The following AP3B1 variants were observed in gnomAD, a reference collection of about 807,000 sequenced individuals.
AP3B1 encodes AP-3 complex subunit beta-1.
In AP3B1, 61 loss-of-function variants were observed where a neutral mutation model predicts 132.5. The ratio of observed to expected loss-of-function variants is 0.46; its 90% CI spans 0.37 to 0.57. The LOEUF is 0.57. Among genes scored for constraint, AP3B1 ranks in the 20% least tolerant of loss-of-function variants. The pLI is 0.00. For missense variants in AP3B1, 1,120 were observed against 1,289.4 expected (o/e 0.87, Z 2.01); for synonymous variants, 388 against 438.3 (o/e 0.89, Z 1.43).
At chr5:78,120,037 C>A (rs536481089) in intron 17 of AP3B1, among the ~76,000 whole-genome samples, 85 of 152,202 alleles carry the variant, frequency 5.6e-4, no homozygotes, top group African/African-American at 2.0e-3. Flanking sequence ...GCCAATATTC[C>A]ACATGCTTAA....
intron 13 of AP3B1, 26 bp from the exon 14 acceptor site, chr5:78,156,393 CTAAA>C: frequency 7.0e-7 from 1 of 1,433,280 alleles, no homozygotes. Flanking sequence ...ATTATTCATA[CTAAA>C]TATGTATAAT....
chr5:78,256,796 C>T (rs1006484874), intron 2 of AP3B1, among the ~76,000 whole-genome samples: 3 of 152,064 alleles, frequency 2.0e-5, no homozygotes, highest in Admixed American at 2.0e-4. Context: ...CTGAGTTCAA[C>T]AATACATCAG....
chr5:78,282,632 T>C (rs1026367060), intron 1 of AP3B1, among the ~76,000 whole-genome samples: 1 of 152,068 alleles, frequency 6.6e-6, no homozygotes. Flanking sequence ...TGATGAAAAT[T>C]TGAAAATTAA....
In AP3B1 at chr5:78,193,770, A is replaced by ATTTTTTTT. The variant is rs35190275; in HGVS notation, c.787-12116_787-12109dup. Among the ~76,000 whole-genome samples, 230 of 67,178 alleles carry ATTTTTTTT rather than the reference A, an allele frequency of 3.4e-3. 6 individuals carry two copies. Among genetic ancestry groups the ATTTTTTTT allele is most frequent in the African/African-American group, 0.011 (210 of 19,200 alleles). The allele number at this position is 67,178 out of a possible 152,430, so 44.1% of individuals were successfully genotyped here. A position where few individuals can be genotyped will look rare whatever the true frequency, so the allele number is the denominator to read the frequency against. On this transcript the variant is annotated intron_variant, in intron 7 of 26. Transcript: ENST00000255194. ...TATATATATATATATATATATATATATTTTTTTTTTAGACAGAGTCTCGCT... is the reference window on the plus strand; with the variant it reads ...TATATATATATATATATATATATATATTTTTTTTTTTTTTTTTTAGACAGAGTCTCGCT...
chr5:78,045,199 G>T (rs60320330), intron 22 of AP3B1, among the ~76,000 whole-genome samples: 1 of 151,994 alleles, frequency 6.6e-6, no homozygotes, highest in African/African-American at 2.4e-5. Context: ...TGGCCAACAT[G>T]GTGAAACCCC....
chr5:78,156,349 C>A lies in AP3B1; in HGVS notation c.1382G>T (p.Ser461Ile). ...SNRDEIVVAE[S>I]VVVIKKLLQM... ...CAGTAATTTCTTTATAACAACCACA[C>A]TTTCAGCAACAACTATTTCTGAAAA... is the stretch of plus-strand genomic sequence containing the variant. Residue 461 changes from serine to isoleucine, a missense_variant, in exon 14 of 27, where the codon AGT (serine) becomes ATT (isoleucine). Physicochemically the swap from Ser to Ile is moderately radical, Grantham distance 142. Coordinates refer to ENST00000255194, the MANE Select transcript of AP3B1 (RefSeq NM_003664.5). 1 of 1,611,764 alleles carries A rather than the reference C, an allele frequency of 6.2e-7. No homozygotes were observed.
intron 22 of AP3B1, among the ~76,000 whole-genome samples, chr5:78,078,528 T>C (rs1331187303): frequency 6.6e-6 from 1 of 152,190 alleles, no homozygotes. Context: ...AAACATAATA[T>C]ACATTTTATC....
At chr5:78,201,522 C>T (rs1238353945) in intron 7 of AP3B1, among the ~76,000 whole-genome samples, 2 of 152,132 alleles carry the variant, frequency 1.3e-5, no homozygotes, top group Admixed American at 6.5e-5. Flanking sequence ...CAATGTGGAT[C>T]AATCTCCAAA....
At position 78,002,978 on chromosome 5, in the gene AP3B1, A is replaced by C; in HGVS notation, c.3209T>G (p.Leu1070Arg). 5 of 1,614,212 alleles carry C rather than the reference A, an allele frequency of 3.1e-6. No homozygotes were observed. Among genetic ancestry groups the C allele is most frequent in the Non-Finnish European group, 4.2e-6 (5 of 1,180,036 alleles). ...VELKEGSTAQ[L>R]IINTEKTVIG... ...CACAGTTTTCTCAGTGTTTATGATAAGCTGGGCTGTAGAGCCTTCCTTCAG... is the reference window on the plus strand; with the variant it reads ...CACAGTTTTCTCAGTGTTTATGATACGCTGGGCTGTAGAGCCTTCCTTCAG... The change falls in exon 27 of 27, where the codon CTT (leucine) becomes CGT (arginine). Residue 1070 changes from leucine (L) to arginine (R), a missense_variant. Coordinates refer to ENST00000255194, the MANE Select transcript of AP3B1 (RefSeq NM_003664.5).
At chr5:78,030,415 G>A (rs569334161) in intron 24 of AP3B1, among the ~76,000 whole-genome samples, 70 of 152,228 alleles carry the variant, frequency 4.6e-4, no homozygotes, top group African/African-American at 1.7e-3. Context: ...TGACTATTTG[G>A]TATCTTCAAA....
intron 20 of AP3B1, 108 bp downstream of exon 20, chr5:78,110,099 G>T: frequency 9.8e-7 from 1 of 1,018,622 alleles, no homozygotes. Context: ...TAAGGGAAAG[G>T]CTTATCTAGA....
chr5:78,224,769 T>C (rs914843995), intron 6 of AP3B1, among the ~76,000 whole-genome samples: 2 of 151,982 alleles, frequency 1.3e-5, no homozygotes, highest in African/African-American at 2.4e-5. Context: ...AAGAGGAACA[T>C]TTTACAATGA....
At chr5:78,152,947 T>C (rs1257505772) in intron 14 of AP3B1, among the ~76,000 whole-genome samples, 1 of 152,236 alleles carries the variant, frequency 6.6e-6, no homozygotes, top group Admixed American at 6.5e-5. Context: ...ACTTGTTTTG[T>C]GACCTAACAT....
In AP3B1 at chr5:78,229,570, T is replaced by TAAAAAAAAAA. The variant is rs747124764; in HGVS notation, c.280-1332_280-1331insTTTTTTTTTT. The stretch of plus-strand genomic sequence containing the variant: ...CAACATGGTGAAATCCCATTTCTAG[T>TAAAAAAAAAA]AAAACAAAAAAAAAAAAAATTAGCC... On this transcript the variant is annotated intron_variant, in intron 3 of 26. Coordinates refer to ENST00000255194, the MANE Select transcript of AP3B1 (RefSeq NM_003664.5). 3.7e-3 allele frequency among the ~76,000 whole-genome samples: 346 copies of TAAAAAAAAAA among 92,842 alleles called. 3 individuals carry two copies. Among genetic ancestry groups the TAAAAAAAAAA allele is most frequent in the African/African-American group, 0.014 (337 of 24,522 alleles). The allele number at this position is 92,842 out of a possible 152,430, so 60.9% of individuals were successfully genotyped here. A position where few individuals can be genotyped will look rare whatever the true frequency, so the allele number is the denominator to read the frequency against.
intron 7 of AP3B1, among the ~76,000 whole-genome samples, chr5:78,212,658 T>C (rs1745791082): frequency 6.6e-6 from 1 of 152,122 alleles, no homozygotes; most frequent in South Asian, 2.1e-4. Context: ...GTGTTGATGG[T>C]AAAAGGATAA....
At chr5:78,208,444 C>T (rs1412572201) in intron 7 of AP3B1, among the ~76,000 whole-genome samples, 3 of 152,152 alleles carry the variant, frequency 2.0e-5, no homozygotes, top group Non-Finnish European at 4.4e-5. Context: ...ATGACTACTG[C>T]ACCTCTAATC....
chr5:78,039,301 A>C (rs1747949597), intron 22 of AP3B1, 27 bp from the exon 23 acceptor site: 7 of 1,523,314 alleles, frequency 4.6e-6, no homozygotes, highest in Non-Finnish European at 6.4e-6. Flanking sequence ...AAAGAAAAAA[A>C]GATGAGTTAG....
intron 1 of AP3B1, 109 bp from the exon 2 acceptor site, chr5:78,267,704 T>G (rs911275123): frequency 1.5e-6 from 1 of 674,276 alleles, no homozygotes; most frequent in African/African-American, 1.8e-5. Flanking sequence ...CAATGTTAAA[T>G]AACTGCAGCA....
chr5:78,024,881 T>C (rs1561359777), intron 24 of AP3B1, among the ~76,000 whole-genome samples: 3 of 123,052 alleles, frequency 2.4e-5, no homozygotes, highest in African/African-American at 7.9e-5. Flanking sequence ...TTTTTTTTTG[T>C]AAAGACAGAG....
Sources: gnomAD v4.1 joint callset for allele counts (sites outside exome capture counted in the v4.1 genomes callset) on GRCh38, gnomAD v4.1.1 for gene constraint, MANE v1.5 for transcripts, NCBI Gene and HGNC (gene_info 2026-07-23, HGNC 2026-07-21) for gene names.